Variants in POLK observed in about 807,000 individuals in gnomAD.
POLK encodes polymerase (DNA directed) kappa.
In POLK, 76 loss-of-function variants were observed where a neutral mutation model predicts 94.0. That is an observed-to-expected ratio of 0.81 (90% CI 0.67 to 0.98). The LOEUF is 0.98. Among genes scored for constraint, POLK ranks in the 50% least tolerant of loss-of-function variants. The pLI is 0.00. For missense variants in POLK, 954 were observed against 1,010.1 expected (o/e 0.94, Z 0.75); for synonymous variants, 349 against 325.4 (o/e 1.07, Z -0.78).
chr5:75,566,088 A>T (rs375478815), intron 3 of POLK, among the ~76,000 whole-genome samples: 3 of 152,336 alleles, frequency 2.0e-5, no homozygotes, highest in East Asian at 3.9e-4. Context: ...CTAGGAAGGC[A>T]GTCTGGCTAC....
At chr5:75,549,998 A>T (rs947721139) in intron 2 of POLK, among the ~76,000 whole-genome samples, 3 of 152,184 alleles carry the variant, frequency 2.0e-5, no homozygotes, top group Non-Finnish European at 2.9e-5. Flanking sequence ...AAATCTCCCC[A>T]TCAAAGAAAA....
chr5:75,558,502 C>A (rs1770763565), intron 3 of POLK, among the ~76,000 whole-genome samples: 1 of 152,084 alleles, frequency 6.6e-6, no homozygotes, highest in South Asian at 2.1e-4. Flanking sequence ...AAATGAAGTA[C>A]TTCCAAATTA....
rs1038893223 is a variant in POLK at position 75,530,664 on chromosome 5, A to G, written c.-13-16346A>G. On this transcript the variant is annotated intron_variant, in intron 1 of 14. Coordinates refer to ENST00000241436, the Ensembl canonical transcript of POLK. The stretch of plus-strand genomic sequence containing the variant: ...ACTTTTACAATTATTGTGTTTGTAA[A>G]AACTTAACTGATATATTGTTATTAA... 2.9e-4 allele frequency among the ~76,000 whole-genome samples: 44 copies of G among 151,602 alleles called. 1 individual carries two copies. The highest frequency in any genetic ancestry group is 1.0e-3 in the African/African-American group (42 of 41,328).
chr5:75,552,333 C>T, intron 2 of POLK, 139 bp from the exon 3 acceptor site: 1 of 659,784 alleles, frequency 1.5e-6, no homozygotes, highest in Non-Finnish European at 2.5e-6. Flanking sequence ...TTTAGGGTCA[C>T]CTAGCTAGTA....
At chr5:75,575,738 A>C (rs1771837685) in intron 5 of POLK, among the ~76,000 whole-genome samples, 1 of 152,120 alleles carries the variant, frequency 6.6e-6, no homozygotes, top group African/African-American at 2.4e-5. Context: ...TCTGAGTAAA[A>C]CTTGGCCAAG....
At chr5:75,529,577 G>A (rs2112565734) in intron 1 of POLK, among the ~76,000 whole-genome samples, 1 of 152,180 alleles carries the variant, frequency 6.6e-6, no homozygotes, top group African/African-American at 2.4e-5. Flanking sequence ...ATAAATAGTT[G>A]TTATACTATT....
chr5:75,594,625 C>T (rs1436091296), intron 12 of POLK, among the ~76,000 whole-genome samples: 1 of 152,154 alleles, frequency 6.6e-6, no homozygotes, highest in Admixed American at 6.6e-5. Context: ...CCTGTTCAAA[C>T]ACATTAATAT....
At chr5:75,528,875 T>C (rs1365558152) in intron 1 of POLK, among the ~76,000 whole-genome samples, 1 of 152,220 alleles carries the variant, frequency 6.6e-6, no homozygotes, top group African/African-American at 2.4e-5. Flanking sequence ...TGTATTTTCA[T>C]GACATTAAGT....
At chr5:75,550,006 A>G (rs1184249382) in intron 2 of POLK, among the ~76,000 whole-genome samples, 1 of 152,192 alleles carries the variant, frequency 6.6e-6, no homozygotes, top group African/African-American at 2.4e-5. Flanking sequence ...CCATCAAAGA[A>G]AAAAGACCAG....
chr5:75,525,365 A>G (rs1768785533), intron 1 of POLK, among the ~76,000 whole-genome samples: 2 of 152,240 alleles, frequency 1.3e-5, no homozygotes, highest in Admixed American at 6.5e-5. Context: ...GAAATACAAT[A>G]TCTGAAATCA....
intron 11 of POLK, among the ~76,000 whole-genome samples, chr5:75,590,663 G>A (rs901351453): frequency 1.3e-5 from 2 of 152,160 alleles, no homozygotes; most frequent in South Asian, 4.1e-4. Flanking sequence ...TATGAGAATA[G>A]AGTGGTTCAG....
chr5:75,607,359 T>G, the POLK span, among the ~76,000 whole-genome samples: 2 of 151,096 alleles, frequency 1.3e-5, no homozygotes, highest in Admixed American at 6.6e-5. Context: ...TCCCAGCTAC[T>G]CAGGAGGCTG....
At chr5:75,604,672 C>G (rs1052773261), downstream of POLK, among the ~76,000 whole-genome samples, 11 of 152,162 alleles carry the variant, frequency 7.2e-5, no homozygotes, top group African/African-American at 2.4e-4. Context: ...GCCACCATGC[C>G]TGGCCCTGGT....
At chr5:75,536,114 A>AT (rs925163207) in intron 1 of POLK, among the ~76,000 whole-genome samples, 3 of 151,434 alleles carry the variant, frequency 2.0e-5, no homozygotes, top group Non-Finnish European at 4.4e-5. Flanking sequence ...CTTTGGATGG[A>AT]TTTTTTTGCT....
At chr5:75,591,001 A>C (rs1052602507) in intron 11 of POLK, among the ~76,000 whole-genome samples, 1 of 152,198 alleles carries the variant, frequency 6.6e-6, no homozygotes, top group Non-Finnish European at 1.5e-5. Flanking sequence ...CCAGAGGTAG[A>C]GTCAGTACAA....
chr5:75,597,015 C>T (rs541123903), exon 13 of POLK: 1 of 1,613,746 alleles, frequency 6.2e-7, no homozygotes, highest in Admixed American at 1.7e-5. Flanking sequence ...TGAAAACAGG[C>T]CAAGCTCTAG....
intron 2 of POLK, among the ~76,000 whole-genome samples, chr5:75,547,630 C>T (rs1179845485): frequency 2.6e-5 from 4 of 152,100 alleles, no homozygotes; most frequent in South Asian, 2.1e-4. Context: ...TAGGGAATAA[C>T]GTATTTTATA....
chr5:75,592,988 C>T (rs748593249), intron 11 of POLK, among the ~76,000 whole-genome samples: 8 of 148,656 alleles, frequency 5.4e-5, no homozygotes, highest in Non-Finnish European at 1.0e-4. Context: ...CCTGGGAGGT[C>T]AAAGCTGCAG....
intron 3 of POLK, among the ~76,000 whole-genome samples, chr5:75,562,347 G>C (rs888353915): frequency 6.6e-6 from 1 of 152,122 alleles, no homozygotes; most frequent in Non-Finnish European, 1.5e-5. Flanking sequence ...TGTGATTTTT[G>C]CATATTGATT....
Sources: allele counts gnomAD v4.1 joint callset (sites outside exome capture counted in the v4.1 genomes callset), GRCh38; gene constraint gnomAD v4.1.1; transcripts MANE v1.5; gene names NCBI Gene and HGNC (gene_info 2026-07-23, HGNC 2026-07-21).